Variants in NCOR1 observed in about 807,000 individuals in gnomAD.
NCOR1 encodes nuclear receptor corepressor 1, also known as protein phosphatase 1, regulatory subunit 109.
A neutral mutation model predicts 288.1 loss-of-function variants in NCOR1; 63 were observed. The observed-to-expected ratio is 0.22, with a 90% CI of 0.18 to 0.27. The LOEUF (loss-of-function observed/expected upper bound fraction) is 0.27. NCOR1 is among the 10% of genes least tolerant of loss of function. The pLI is 1.00. For synonymous variants in NCOR1, 1,007 were observed against 1,065.9 expected, an observed-to-expected ratio of 0.94 and a Z score of 1.08; for missense variants, 2,397 against 3,019.2, an observed-to-expected ratio of 0.79 and a Z score of 4.83.
chr17:16,205,378 T>G, intron 1 of NCOR1, among the ~76,000 whole-genome samples: 1 of 152,056 alleles, frequency 6.6e-6, no homozygotes, highest in East Asian at 1.9e-4. Flanking sequence ...ATCCCAGCAC[T>G]TCGGGAGGCC....
At chr17:16,107,033 C>G (rs1183105533) in intron 19 of NCOR1, among the ~76,000 whole-genome samples, 1 of 150,970 alleles carries the variant, frequency 6.6e-6, no homozygotes, top group African/African-American at 2.4e-5. Context: ...GCTGGGACTA[C>G]AGGCGCCCGC....
At chr17:16,186,174 A>G (rs560311042) in intron 3 of NCOR1, among the ~76,000 whole-genome samples, 34 of 152,284 alleles carry the variant, frequency 2.2e-4, no homozygotes, top group Admixed American at 4.6e-4. Context: ...CTAGCTGCAA[A>G]TCAGAATTAC....
chr17:16,092,676 TATATATATATATATA>T (rs1427995012), intron 21 of NCOR1, among the ~76,000 whole-genome samples: 966 of 23,716 alleles, frequency 0.041, 67 homozygotes, highest in Non-Finnish European at 0.053. Flanking sequence ...TATATATATA[TATATATATATATATA>T]TATATTTTTT....
At chr17:16,097,116 C>T (rs560386110) in intron 21 of NCOR1, among the ~76,000 whole-genome samples, 8 of 152,072 alleles carry the variant, frequency 5.3e-5, no homozygotes, top group Middle Eastern at 3.4e-3. Context: ...TTTTTTTGTT[C>T]CAAATCCTTA....
intron 26 of NCOR1, among the ~76,000 whole-genome samples, chr17:16,079,347 A>T (rs2063030809): frequency 6.6e-6 from 1 of 152,254 alleles, no homozygotes; most frequent in African/African-American, 2.4e-5. Context: ...TGCAAGGCAC[A>T]GGTTTCTGTT....
At position 16,164,746 on chromosome 17, in the gene NCOR1, T is replaced by A. The variant is rs1447381951; in HGVS notation, c.618+233A>T. 1.2e-3 allele frequency: 345 copies of A among 296,646 alleles called. 5 individuals are homozygous for A. Among genetic ancestry groups the A allele is most frequent in the Non-Finnish European group, 1.2e-3 (187 of 162,514 alleles). The allele number at this position is 296,646 out of a possible 1,614,324, so 18.4% of individuals were successfully genotyped here. ...ATTGTATGGAATAGAAAAAAAAAAA[T>A]CAAAAATAGAATGGACAAACAAATT... On this transcript the variant is annotated intron_variant, in intron 5 of 45. Coordinates refer to ENST00000268712, the MANE Select transcript of NCOR1 (RefSeq NM_006311.4).
intron 2 of NCOR1, 79 bp downstream of exon 2, chr17:16,194,383 G>T: frequency 4.7e-6 from 4 of 853,588 alleles, no homozygotes; most frequent in Non-Finnish European, 5.3e-6. Flanking sequence ...GGTGGTTTCT[G>T]TCCCACATGT....
intron 19 of NCOR1, among the ~76,000 whole-genome samples, chr17:16,102,837 G>A (rs917461984): frequency 7.2e-5 from 11 of 152,040 alleles, no homozygotes; most frequent in African/African-American, 2.7e-4. Context: ...CAGGTGATCC[G>A]CCTGCCTTGG....
Position 16,071,440 on chromosome 17 carries a change from G to A in NCOR1, c.4121C>T (p.Thr1374Ile). 6.2e-7 allele frequency: 1 copy of A among 1,613,942 alleles called. No homozygotes were observed. The highest frequency in any genetic ancestry group is 2.2e-5 in the East Asian group (1 of 44,890). Reference protein sequence around the residue: ...SRKTPEVVQSTRPIIEGSISQ... With the variant: ...SRKTPEVVQSIRPIIEGSISQ... ...AATGGAACCCTCAATTATCGGCCGT[G>A]TGCTCTGGACCACTTCTGGAGTTTT... The change falls in exon 30 of 46, where the codon ACA (threonine) becomes ATA (isoleucine). Residue 1374 changes from threonine to isoleucine, a missense_variant. Thr to Ile is a moderately conservative substitution (Grantham distance 89). Transcript: ENST00000268712.
At chr17:16,131,455 ATG>A (rs1019243175) in intron 14 of NCOR1, among the ~76,000 whole-genome samples, 1 of 152,188 alleles carries the variant, frequency 6.6e-6, no homozygotes, top group African/African-American at 2.4e-5. Context: ...AACTATATAT[ATG>A]TGCTAATTAT....
rs200695395 is a variant in NCOR1 at position 16,039,430 on chromosome 17, T to C, written c.6955+3A>G. 354 of 1,612,912 alleles carry C rather than the reference T, an allele frequency of 2.2e-4. No homozygotes were observed. Among genetic ancestry groups the C allele is most frequent in the Non-Finnish European group, 2.7e-4 (313 of 1,179,456 alleles). ...CAGAAAAGCACTAAAATGAAAGCTG[T>C]ACCTGAATGAGGTGATGGGTCCCCT... On this transcript the variant is annotated splice_donor_region_variant and intron_variant, in intron 44 of 45. Coordinates refer to ENST00000268712, the MANE Select transcript of NCOR1 (RefSeq NM_006311.4).
chr17:16,038,763 G>T (rs966643051), intron 44 of NCOR1, among the ~76,000 whole-genome samples: 11 of 150,462 alleles, frequency 7.3e-5, no homozygotes, highest in Non-Finnish European at 1.6e-4. Context: ...TTATTTTATT[G>T]TGTGTGTCTG....
chr17:16,199,216 AACACACACAC>A (rs148297225), intron 1 of NCOR1, among the ~76,000 whole-genome samples: 2 of 122,320 alleles, frequency 1.6e-5, no homozygotes, highest in African/African-American at 6.5e-5. Flanking sequence ...AAAAAAAAAA[AACACACACAC>A]ACACACACAC....
chr17:16,148,425 C>T (rs1236766993), intron 9 of NCOR1, among the ~76,000 whole-genome samples: 1 of 152,078 alleles, frequency 6.6e-6, no homozygotes. Context: ...CTTCCATCAC[C>T]TTAGGCTCCC....
chr17:16,208,587 G>A (rs907544500), intron 1 of NCOR1, among the ~76,000 whole-genome samples: 11 of 151,028 alleles, frequency 7.3e-5, no homozygotes, highest in African/African-American at 2.7e-4. Context: ...TCAGTGGCCC[G>A]CACCTATAAT....
At chr17:16,168,721 A>G (rs1388512615) in intron 4 of NCOR1, among the ~76,000 whole-genome samples, 1 of 152,052 alleles carries the variant, frequency 6.6e-6, no homozygotes, top group East Asian at 1.9e-4. Flanking sequence ...CTATAATCCC[A>G]GCATATTGGG....
At chr17:16,038,301 A>C (rs1221137874) in intron 44 of NCOR1, among the ~76,000 whole-genome samples, 1 of 152,258 alleles carries the variant, frequency 6.6e-6, no homozygotes, top group Non-Finnish European at 1.5e-5. Context: ...AACAGAATGT[A>C]TAAAATCTCA....
intron 1 of NCOR1, among the ~76,000 whole-genome samples, chr17:16,205,643 G>GAA (rs35190516): frequency 7.6e-4 from 101 of 132,606 alleles, no homozygotes; most frequent in African/African-American, 1.7e-3. Flanking sequence ...AAGAAAAGAA[G>GAA]AAAAAAAAAA....
Position 16,030,042 on chromosome 17 carries a change from T to TAACTA in NCOR1, c.*2249_*2253dup, listed in dbSNP as rs1971793020. ...ATCTAACTTTGACTCCTCCAAAACTTAACTACTCATGGCCTACTGCTGACC... is the reference window on the plus strand; with the variant it reads ...ATCTAACTTTGACTCCTCCAAAACTTAACTAAACTACTCATGGCCTACTGCTGACC... On this transcript the variant is annotated 3_prime_UTR_variant, in exon 46 of 46. Coordinates refer to ENST00000268712, the MANE Select transcript of NCOR1 (RefSeq NM_006311.4). The TAACTA allele has an allele frequency of 1.1e-5, 2 of 174,312 alleles. No individual in the cohort carries two copies. The highest frequency in any genetic ancestry group is 2.4e-5 in the African/African-American group (1 of 42,130). 10.8% of individuals were successfully genotyped at this position (174,312 alleles called of 1,614,324 possible).
Sources: allele counts gnomAD v4.1 joint callset (sites outside exome capture counted in the v4.1 genomes callset), GRCh38; gene constraint gnomAD v4.1.1; transcripts MANE v1.5; gene names NCBI Gene and HGNC (gene_info 2026-07-23, HGNC 2026-07-21).